PTPRN2: variants seen among roughly 807,000 people sequenced by gnomAD.
The protein encoded by PTPRN2 is receptor-type tyrosine-protein phosphatase N2.
PTPRN2 carries 74 observed loss-of-function variants against 118.8 expected under a neutral mutation model. The observed-to-expected ratio is 0.62, with a 90% CI of 0.52 to 0.76. The LOEUF (loss-of-function observed/expected upper bound fraction) is 0.76. Among genes scored for constraint, PTPRN2 ranks in the 30% least tolerant of loss-of-function variants. The pLI is 0.00. For missense variants in PTPRN2, 1,481 were observed against 1,394.4 expected, an observed-to-expected ratio of 1.06 and a Z score of -0.99; for synonymous variants, 641 against 608.0, an observed-to-expected ratio of 1.05 and a Z score of -0.80.
intron 7 of PTPRN2, among the ~76,000 whole-genome samples, chr7:158,137,235 G>A (rs1189879205): frequency 6.6e-6 from 1 of 152,054 alleles, no homozygotes; most frequent in Non-Finnish European, 1.5e-5. Flanking sequence ...TGGCCAACAG[G>A]CGAAACCCCG....
chr7:157,646,339 C>T (rs998778979), intron 14 of PTPRN2, among the ~76,000 whole-genome samples: 6 of 151,978 alleles, frequency 3.9e-5, no homozygotes, highest in Admixed American at 1.3e-4. Context: ...TAAAAGTGTG[C>T]GGCACTCCCC....
At chr7:158,408,147 G>T (rs115587809) in intron 2 of PTPRN2, among the ~76,000 whole-genome samples, 3,085 of 152,286 alleles carry the variant, frequency 0.02, 87 homozygotes, top group African/African-American at 0.069. Flanking sequence ...GGCCTTCAGT[G>T]TTAGAAGAGA....
At chr7:158,002,705 A>G (rs191613879) in intron 11 of PTPRN2, among the ~76,000 whole-genome samples, 2 of 152,300 alleles carry the variant, frequency 1.3e-5, no homozygotes, top group East Asian at 1.9e-4. Context: ...GCTCCCTGGA[A>G]GCAGATCTGA....
chr7:158,212,111 C>T (rs1388811207), intron 3 of PTPRN2, among the ~76,000 whole-genome samples: 1 of 152,092 alleles, frequency 6.6e-6, no homozygotes, highest in Non-Finnish European at 1.5e-5. Flanking sequence ...ATAAGCCAGA[C>T]ATAGAAAGAC....
intron 2 of PTPRN2, among the ~76,000 whole-genome samples, chr7:158,418,386 TCTAG>T (rs1458255437): frequency 1.3e-5 from 2 of 150,794 alleles, no homozygotes; most frequent in Non-Finnish European, 1.5e-5. Context: ...ATCAAGATGC[TCTAG>T]CTCTCAGTGT....
At chr7:158,197,735 G>A (rs1416413051) in intron 4 of PTPRN2, among the ~76,000 whole-genome samples, 3 of 152,186 alleles carry the variant, frequency 2.0e-5, no homozygotes, top group Admixed American at 6.5e-5. Flanking sequence ...GGAGAGAGAA[G>A]TGCAAGGAGC....
At chr7:158,136,962 G>A (rs1818880092) in intron 7 of PTPRN2, among the ~76,000 whole-genome samples, 1 of 151,122 alleles carries the variant, frequency 6.6e-6, no homozygotes, top group African/African-American at 2.4e-5. Context: ...GGGGTCTCAC[G>A]TGATCGACAA....
At chr7:157,856,082 G>C (rs1013586990) in intron 12 of PTPRN2, 3 of 152,234 alleles carry the variant, frequency 2.0e-5, no homozygotes, top group African/African-American at 7.2e-5. Context: ...CACCAGCTCT[G>C]CAAAGGCCTT....
chr7:158,117,020 A>T (rs1816778514), intron 9 of PTPRN2, among the ~76,000 whole-genome samples: 1 of 150,652 alleles, frequency 6.6e-6, no homozygotes, highest in African/African-American at 2.5e-5. Flanking sequence ...ATTGCAAGAA[A>T]CAAGAAACAA....
At chr7:158,083,731 C>T (rs535002693) in intron 10 of PTPRN2, among the ~76,000 whole-genome samples, 2 of 152,312 alleles carry the variant, frequency 1.3e-5, no homozygotes, top group African/African-American at 4.8e-5. Flanking sequence ...GGGTACATCT[C>T]GCAGGCGGTG....
chr7:157,621,291 A>ACG, intron 15 of PTPRN2, 71 bp downstream of exon 15: 4 of 1,507,366 alleles, frequency 2.7e-6, no homozygotes, highest in Non-Finnish European at 3.6e-6. Context: ...CGGGCCTGGT[A>ACG]TGTACAGGTC....
intron 3 of PTPRN2, among the ~76,000 whole-genome samples, chr7:158,225,088 T>G (rs955410056): frequency 1.3e-5 from 2 of 152,052 alleles, no homozygotes; most frequent in African/African-American, 4.8e-5. Context: ...AGGATTTGGA[T>G]TCAGAAAAAC....
At chr7:157,844,777 C>T (rs936941835) in intron 12 of PTPRN2, among the ~76,000 whole-genome samples, 4 of 152,232 alleles carry the variant, frequency 2.6e-5, no homozygotes, top group African/African-American at 9.6e-5. Flanking sequence ...AGCGGCTCCG[C>T]AGGGGTGAGC....
rs532554473 is a variant in PTPRN2, at chr7:157,845,399, AACTCACCAGGTTACTG to A, written c.1788+53258_1788+53273del. Among the ~76,000 whole-genome samples the A allele has an allele frequency of 0.032, 4,782 of 151,452 alleles. 258 individuals carry two copies. The highest frequency in any genetic ancestry group is 0.11 in the African/African-American group (4,462 of 41,182). ...CACGCCACAGTGAATCACGCAGCCT[AACTCACCAGGTTACTG>A]GCCTAACTCACCATGTTCCCGGCCA... On this transcript the variant is annotated intron_variant, in intron 12 of 22. Coordinates refer to ENST00000389418, the MANE Select transcript of PTPRN2 (RefSeq NM_002847.5). This position sits in a 1 kb window ranked among gnomAD's most constrained non-coding sequence, Gnocchi z 4.5.
chr7:158,171,342 TATATATAC>T (rs200021214), intron 5 of PTPRN2, among the ~76,000 whole-genome samples: 11 of 124,838 alleles, frequency 8.8e-5, no homozygotes, highest in African/African-American at 3.6e-4. Flanking sequence ...TATATATATA[TATATATAC>T]ACACACACAT....
intron 3 of PTPRN2, among the ~76,000 whole-genome samples, chr7:158,218,537 T>A (rs973939215): frequency 2.0e-5 from 3 of 152,096 alleles, no homozygotes; most frequent in Admixed American, 2.0e-4. Flanking sequence ...CAAGTTTACA[T>A]GAAAACCAGC....
Position 157,854,078 on chromosome 7 carries a change from G to A in PTPRN2, c.1788+44595C>T, listed in dbSNP as rs139114220. Among the ~76,000 whole-genome samples, 892 of 152,326 alleles carry A rather than the reference G, an allele frequency of 5.9e-3. 7 individuals carry two copies. The highest frequency in any genetic ancestry group is 0.021 in the African/African-American group (853 of 41,564). On this transcript the variant is annotated intron_variant, in intron 12 of 22. Transcript: ENST00000389418. ...GACTCCCAGCCTGTGAGTGGTGGGC[G>A]ATGAATCTGCGGTTTGCGCCGCCCC...
chr7:158,209,141 A>G (rs959940897), intron 3 of PTPRN2, among the ~76,000 whole-genome samples: 1 of 152,132 alleles, frequency 6.6e-6, no homozygotes, highest in African/African-American at 2.4e-5. Flanking sequence ...AAGAAATAAG[A>G]AAGAGAAGAC....
rs114468402 is a variant in PTPRN2 at position 158,586,043 on chromosome 7, G to A, written c.112+1515C>T. Among the ~76,000 whole-genome samples the A allele has an allele frequency of 7.6e-3, 1,154 of 152,330 alleles. 18 individuals carry two copies. The highest frequency in any genetic ancestry group is 0.026 in the African/African-American group (1,061 of 41,572). ...GCAGGACTCCCCCGTGCTCCAGCAT[G>A]GAAGGGTGAGGGCTTCACCTGGGCC... is the stretch of plus-strand genomic sequence containing the variant. On this transcript the variant is annotated intron_variant, in intron 1 of 22. Transcript: ENST00000389418.
Sources: allele counts gnomAD v4.1 joint callset (sites outside exome capture counted in the v4.1 genomes callset), GRCh38; gene constraint gnomAD v4.1.1; non-coding constraint Gnocchi (gnomAD v3.1); transcripts MANE v1.5; gene names NCBI Gene and HGNC (gene_info 2026-07-23, HGNC 2026-07-21).